Variants in SNTG1 observed in about 807,000 individuals in gnomAD.
SNTG1 encodes syntrophin gamma 1.
In SNTG1, 39 loss-of-function variants were observed where a neutral mutation model predicts 74.7. The observed-to-expected ratio is 0.52, with a 90% confidence interval of 0.40 to 0.68. SNTG1 has a LOEUF of 0.68. Among genes scored for constraint, SNTG1 ranks in the 30% least tolerant of loss-of-function variants. The pLI, the probability that SNTG1 is intolerant of heterozygous loss-of-function variation, is 0.00. For synonymous variants in SNTG1, 254 were observed against 217.1 expected (o/e 1.17, Z -1.49); for missense variants, 685 against 609.5 (o/e 1.12, Z -1.30).
chr8:49,936,346 C>T (rs1435260352), intron 1 of SNTG1, among the ~76,000 whole-genome samples: 3 of 151,922 alleles, frequency 2.0e-5, no homozygotes, highest in Non-Finnish European at 4.4e-5. Flanking sequence ...TGTCGAGGTC[C>T]CTTTTGCTAC....
At chr8:50,180,254 G>A (rs185765456) in intron 2 of SNTG1, among the ~76,000 whole-genome samples, 4 of 152,218 alleles carry the variant, frequency 2.6e-5, no homozygotes, top group Admixed American at 6.5e-5. Context: ...GAGTGCAATG[G>A]TAGTTACTTG....
chr8:50,740,693 T>G (rs1255161267), intron 17 of SNTG1, among the ~76,000 whole-genome samples: 1 of 152,104 alleles, frequency 6.6e-6, no homozygotes, highest in African/African-American at 2.4e-5. Flanking sequence ...TGCACAAGTA[T>G]GTTCACTGCA....
rs773796978 is a variant in SNTG1 at position 50,473,810 on chromosome 8, G to C, written c.363+23081G>C. Among the ~76,000 whole-genome samples, 2 of 152,116 alleles carry C rather than the reference G, an allele frequency of 1.3e-5. 1 individual carries two copies. Among genetic ancestry groups the C allele is most frequent in the Admixed American group, 1.3e-4 (2 of 15,266 alleles). On this transcript the variant is annotated intron_variant, in intron 8 of 18. Transcript: ENST00000642720. ...ACATTATGTTGAGTTAAATAAGCCA[G>C]TCACAAAACAATACATCCTGTATGA... is the stretch of plus-strand genomic sequence containing the variant.
chr8:50,713,983 C>T (rs1296512501), intron 17 of SNTG1, among the ~76,000 whole-genome samples: 1 of 150,944 alleles, frequency 6.6e-6, no homozygotes, highest in African/African-American at 2.4e-5. Flanking sequence ...TGCTTGAACC[C>T]AGGAGACAGA....
chr8:50,036,821 C>A (rs551339985), intron 1 of SNTG1, among the ~76,000 whole-genome samples: 6 of 152,128 alleles, frequency 3.9e-5, no homozygotes, highest in African/African-American at 1.4e-4. Flanking sequence ...AATATTATAC[C>A]ATCTTTTATT....
At chr8:50,410,493 T>G (rs1310955441) in intron 4 of SNTG1, among the ~76,000 whole-genome samples, 1 of 152,220 alleles carries the variant, frequency 6.6e-6, no homozygotes, top group Non-Finnish European at 1.5e-5. Context: ...TTACAAAGAA[T>G]ATATATATTC....
chr8:50,267,233 T>G (rs567538996), intron 2 of SNTG1, among the ~76,000 whole-genome samples: 1 of 152,256 alleles, frequency 6.6e-6, no homozygotes, highest in East Asian at 1.9e-4. Context: ...TAATTTTATA[T>G]AGCAGAAAAA....
Position 50,162,570 on chromosome 8 carries a change from A to G in SNTG1, c.-102-9991A>G, listed in dbSNP as rs535103318. 1.6e-3 allele frequency among the ~76,000 whole-genome samples: 248 copies of G among 150,712 alleles called. 2 individuals are homozygous for G. The highest frequency in any genetic ancestry group is 6.8e-3 in the Middle Eastern group (2 of 294). On this transcript the variant is annotated intron_variant, in intron 1 of 18. Transcript: ENST00000642720. ...GCAAGACTCTGTCTCAAAAAAAAAA[A>G]AAAAAAAGAAAAAAAAAGAAAGAAA...
intron 18 of SNTG1, among the ~76,000 whole-genome samples, chr8:50,779,018 T>A (rs1217236155): frequency 6.6e-6 from 1 of 152,156 alleles, no homozygotes; most frequent in South Asian, 2.1e-4. Context: ...GTTGTAGATA[T>A]GCGGCGTTAT....
At chr8:50,781,551 T>A (rs1199399552) in intron 18 of SNTG1, among the ~76,000 whole-genome samples, 2 of 152,206 alleles carry the variant, frequency 1.3e-5, no homozygotes, top group Non-Finnish European at 2.9e-5. Context: ...GTTTTCCATT[T>A]TCTTGGTAGG....
At chr8:50,243,491 G>A (rs1159893583) in intron 2 of SNTG1, among the ~76,000 whole-genome samples, 5 of 151,990 alleles carry the variant, frequency 3.3e-5, no homozygotes, top group Non-Finnish European at 7.4e-5. Flanking sequence ...CGGATTTGAA[G>A]GGATTTTAAA....
At chr8:50,329,594 C>G (rs948758067) in intron 2 of SNTG1, among the ~76,000 whole-genome samples, 4 of 152,104 alleles carry the variant, frequency 2.6e-5, no homozygotes, top group Admixed American at 6.5e-5. Flanking sequence ...GGCTCAAATG[C>G]AGGGCACGAG....
At chr8:50,316,401 G>A (rs143443809) in intron 2 of SNTG1, among the ~76,000 whole-genome samples, 5 of 152,162 alleles carry the variant, frequency 3.3e-5, no homozygotes, top group East Asian at 3.9e-4. Context: ...CACGTCTGTC[G>A]GAAAGAGGAA....
intron 15 of SNTG1, among the ~76,000 whole-genome samples, chr8:50,701,800 C>CTCT (rs879524606): frequency 0.013 from 1,857 of 142,844 alleles, 42 homozygotes; most frequent in African/African-American, 0.043. Context: ...CCTCCTCCTC[C>CTCT]TCTTCTTCTT....
At chr8:50,317,984 T>C (rs946008718) in intron 2 of SNTG1, among the ~76,000 whole-genome samples, 16 of 152,018 alleles carry the variant, frequency 1.1e-4, no homozygotes, top group African/African-American at 3.1e-4. Context: ...CTACAGGCGC[T>C]CGCCACCACG....
intron 2 of SNTG1, among the ~76,000 whole-genome samples, chr8:50,335,005 G>C (rs1031624204): frequency 6.6e-6 from 1 of 152,122 alleles, no homozygotes; most frequent in Non-Finnish European, 1.5e-5. Context: ...CCTGTGTGTG[G>C]TGCAGGACCT....
chr8:50,048,111 A>T (rs1215707030), intron 1 of SNTG1, among the ~76,000 whole-genome samples: 1 of 152,166 alleles, frequency 6.6e-6, no homozygotes, highest in South Asian at 2.1e-4. Flanking sequence ...CATGAAAAAA[A>T]ATAAAGTAAT....
At chr8:49,936,507 C>T (rs1225576628) in intron 1 of SNTG1, among the ~76,000 whole-genome samples, 1 of 152,088 alleles carries the variant, frequency 6.6e-6, no homozygotes, top group Non-Finnish European at 1.5e-5. Context: ...ATAAATATAT[C>T]AAGTACTTTT....
chr8:50,376,756 T>TATATATATATATATAGAGAGAGAGAGAG (rs1381048539), intron 2 of SNTG1, among the ~76,000 whole-genome samples: 4 of 89,964 alleles, frequency 4.4e-5, no homozygotes, highest in Admixed American at 3.8e-4. Flanking sequence ...TATATATATA[T>TATATATATATATATAGAGAGAGAGAGAG]AGAGAGAGAG....
Sources: gnomAD v4.1 joint callset for allele counts (sites outside exome capture counted in the v4.1 genomes callset) on GRCh38, gnomAD v4.1.1 for gene constraint, MANE v1.5 for transcripts, NCBI Gene and HGNC (gene_info 2026-07-23, HGNC 2026-07-21) for gene names.